The following GUCY1B1 variants were observed in gnomAD, a reference collection of about 807,000 sequenced individuals.
GUCY1B1 encodes guanylate cyclase soluble subunit beta-1.
Under a neutral mutation model 71.0 loss-of-function variants are expected in GUCY1B1, and 43 were observed. The ratio of observed to expected loss-of-function variants is 0.61; its 90% confidence interval spans 0.47 to 0.78. GUCY1B1 has a LOEUF of 0.78. Among genes scored for constraint, GUCY1B1 ranks in the 30% least tolerant of loss-of-function variants. The pLI is 0.00. For missense variants in GUCY1B1, 535 were observed against 754.1 expected (o/e 0.71, Z 3.40); for synonymous variants, 266 against 259.7 (o/e 1.02, Z -0.23).
intron 4 of GUCY1B1, chr4:155,785,341 C>T (rs1205636913): frequency 7.7e-7 from 1 of 1,296,406 alleles, no homozygotes; most frequent in Non-Finnish European, 1.1e-6. Flanking sequence ...TAAGAGTTTA[C>T]ATTTTTTCAG....
intron 4 of GUCY1B1, among the ~76,000 whole-genome samples, chr4:155,780,191 A>G (rs887023682): frequency 4.6e-5 from 7 of 152,180 alleles, no homozygotes; most frequent in African/African-American, 1.4e-4. Context: ...ATTGAAACCT[A>G]CATCCTTTCT....
chr4:155,764,557 G>A (rs1227900164), intron 2 of GUCY1B1, among the ~76,000 whole-genome samples: 4 of 152,082 alleles, frequency 2.6e-5, no homozygotes, highest in Admixed American at 6.5e-5. Context: ...ATACAAAAAT[G>A]AAACCACATT....
At chr4:155,764,319 G>T (rs2110970571) in intron 2 of GUCY1B1, among the ~76,000 whole-genome samples, 1 of 152,192 alleles carries the variant, frequency 6.6e-6, no homozygotes, top group Admixed American at 6.5e-5. Context: ...TATAATTTTG[G>T]TTGACTGCTA....
At chr4:155,794,434 G>A (rs1739398059) in intron 6 of GUCY1B1, among the ~76,000 whole-genome samples, 1 of 152,072 alleles carries the variant, frequency 6.6e-6, no homozygotes, top group African/African-American at 2.4e-5. Context: ...TCTACCATCT[G>A]TAAATAGCTT....
intron 2 of GUCY1B1, among the ~76,000 whole-genome samples, chr4:155,771,919 A>G (rs986181164): frequency 3.3e-5 from 5 of 152,200 alleles, no homozygotes; most frequent in Admixed American, 3.3e-4. Flanking sequence ...AGTATGTTCT[A>G]TATATAAGTA....
chr4:155,797,944 A>G (rs1406215746), intron 8 of GUCY1B1, among the ~76,000 whole-genome samples: 1 of 152,122 alleles, frequency 6.6e-6, no homozygotes, highest in African/African-American at 2.4e-5. Flanking sequence ...ATTAAGCTAC[A>G]TTGATCTAAA....
intron 3 of GUCY1B1, 69 bp downstream of exon 3, chr4:155,775,137 G>A (rs1167605647): frequency 1.8e-5 from 15 of 834,532 alleles, no homozygotes; most frequent in Non-Finnish European, 2.5e-5. Flanking sequence ...CATGGTTCAA[G>A]ATCACAACGC....
intron 2 of GUCY1B1, among the ~76,000 whole-genome samples, chr4:155,766,154 C>A (rs1737320337): frequency 6.6e-6 from 1 of 152,066 alleles, no homozygotes; most frequent in African/African-American, 2.4e-5. Flanking sequence ...TCACCTTTTT[C>A]ATTTCCAAAG....
At chr4:155,768,844 G>A (rs1737518628) in intron 2 of GUCY1B1, among the ~76,000 whole-genome samples, 1 of 152,128 alleles carries the variant, frequency 6.6e-6, no homozygotes. Flanking sequence ...TTCTGATTTT[G>A]TTGCCAGGTG....
intron 2 of GUCY1B1, among the ~76,000 whole-genome samples, chr4:155,767,103 A>G (rs1364322049): frequency 6.6e-6 from 1 of 152,190 alleles, no homozygotes; most frequent in African/African-American, 2.4e-5. Flanking sequence ...GAACACAGAT[A>G]AAGTTGTAAT....
intron 4 of GUCY1B1, among the ~76,000 whole-genome samples, chr4:155,781,048 A>C (rs971442915): frequency 6.6e-6 from 1 of 152,202 alleles, no homozygotes; most frequent in Non-Finnish European, 1.5e-5. Context: ...ACAGCCTCTC[A>C]GTTAGATACA....
chr4:155,779,817 G>A (rs72697863), intron 4 of GUCY1B1, among the ~76,000 whole-genome samples: 16,227 of 152,014 alleles, frequency 0.11, 1,001 homozygotes, highest in Middle Eastern at 0.19. Context: ...TTTTTATTAC[G>A]TAAATTAGTA....
At chr4:155,773,120 T>G (rs1010448643) in intron 2 of GUCY1B1, among the ~76,000 whole-genome samples, 7 of 152,254 alleles carry the variant, frequency 4.6e-5, no homozygotes, top group Non-Finnish European at 1.0e-4. Flanking sequence ...TGTATTCTCT[T>G]GGCAATGTAC....
At chr4:155,796,138 G>A (rs1739539269) in intron 7 of GUCY1B1, among the ~76,000 whole-genome samples, 1 of 152,182 alleles carries the variant, frequency 6.6e-6, no homozygotes, top group Admixed American at 6.5e-5. Context: ...AAATAATTAT[G>A]TGAAGAGTAG....
chr4:155,798,933 G>A (rs879921541), intron 8 of GUCY1B1, among the ~76,000 whole-genome samples: 10 of 152,148 alleles, frequency 6.6e-5, no homozygotes, highest in Admixed American at 2.6e-4. Context: ...CTGCTCCCGG[G>A]TTCAAGCAAT....
intron 2 of GUCY1B1, chr4:155,772,730 G>T: frequency 1.4e-6 from 1 of 702,500 alleles, no homozygotes; most frequent in Non-Finnish European, 2.6e-6. Flanking sequence ...AGAAAAGAGA[G>T]ATTTTAATGC....
chr4:155,759,946 G>A, intron 2 of GUCY1B1, 86 bp downstream of exon 2: 1 of 983,676 alleles, frequency 1.0e-6, no homozygotes, highest in Non-Finnish European at 1.6e-6. Flanking sequence ...TCAGCCTGCT[G>A]GCCGGGTCGC....
intron 6 of GUCY1B1, among the ~76,000 whole-genome samples, chr4:155,794,693 G>A (rs34590474): frequency 0.018 from 2,790 of 152,148 alleles, 42 homozygotes; most frequent in Middle Eastern, 0.041. Flanking sequence ...CTTTTTGCTT[G>A]TAATTAAAGA....
At chr4:155,775,165 G>A (rs528245801) in intron 3 of GUCY1B1, 97 bp downstream of exon 3, 4 of 752,070 alleles carry the variant, frequency 5.3e-6, no homozygotes, top group African/African-American at 5.1e-5. Flanking sequence ...CAGAAGTGGT[G>A]CAGAGCATTT....
Sources: allele counts gnomAD v4.1 joint callset (sites outside exome capture counted in the v4.1 genomes callset), GRCh38; gene constraint gnomAD v4.1.1; transcripts MANE v1.5; gene names NCBI Gene and HGNC (gene_info 2026-07-23, HGNC 2026-07-21).